The following PACS2 variants were observed in gnomAD, a reference collection of about 807,000 sequenced individuals.
PACS2 encodes phosphofurin acidic cluster sorting protein 2.
A neutral mutation model predicts 113.0 loss-of-function variants in PACS2; 36 were observed. The ratio of observed to expected loss-of-function variants is 0.32; its 90% CI spans 0.24 to 0.42. The LOEUF is 0.42. Among genes scored for constraint, PACS2 ranks in the 10% least tolerant of loss-of-function variants. The pLI, the probability that PACS2 is intolerant of heterozygous loss-of-function variation, is 1.00. For synonymous variants in PACS2, 589 were observed against 536.1 expected (o/e 1.10, Z -1.36); for missense variants, 1,015 against 1,239.5 (o/e 0.82, Z 2.72).
In PACS2 at chr14:105,352,423, A is replaced by G. The variant is rs587669814; in HGVS notation, c.253A>G (p.Ser85Gly). ...LRSHEIVLPPSGQVETDLALT... is the reference protein window; with the variant it reads ...LRSHEIVLPPGGQVETDLALT... ...GTCCCATGAGATTGTGCTGCCCCCC[A>G]GTGGACAAGTGGAGACAGACCTGGC... Residue 85 changes from serine (S) to glycine (G), a missense_variant, in exon 3 of 25, where the codon AGT becomes GGT. Ser to Gly is a moderately conservative substitution (Grantham distance 56, BLOSUM62 0). This residue lies in a region of PACS2 where 140 missense variants were observed against 135.1 expected (regional missense o/e 1.04). Coordinates refer to ENST00000447393, the MANE Select transcript of PACS2 (RefSeq NM_001100913.3). 1.3e-5 allele frequency: 21 copies of G among 1,612,864 alleles called. No homozygotes were observed. The East Asian group carries it at 3.8e-4, about 29-fold the overall frequency.
intron 1 of PACS2, among the ~76,000 whole-genome samples, chr14:105,344,120 G>A (rs782577410): frequency 2.6e-5 from 4 of 151,160 alleles, no homozygotes; most frequent in Non-Finnish European, 5.9e-5. Flanking sequence ...GTCTCCCTGT[G>A]TACCCAGGCT....
Position 105,330,469 on chromosome 14 carries a change from T to C in PACS2, c.119+15432T>C, listed in dbSNP as rs1207585059. 6.6e-6 allele frequency among the ~76,000 whole-genome samples: 1 copy of C among 152,216 alleles called. No individual in the cohort carries two copies. Among genetic ancestry groups the C allele is most frequent in the African/African-American group, 2.4e-5 (1 of 41,458 alleles). ...ACGAGGTCACACAGGGGAAGGTTACTGTGCCGCAGAGTTTTCTTTCCGAGC... is the reference window on the plus strand; with the variant it reads ...ACGAGGTCACACAGGGGAAGGTTACCGTGCCGCAGAGTTTTCTTTCCGAGC... On this transcript the variant is annotated intron_variant, in intron 1 of 24. Transcript: ENST00000447393. The surrounding 1 kb of genome is among the most constrained non-coding windows in gnomAD (Gnocchi z 6.9).
intron 15 of PACS2, 98 bp from the exon 16 acceptor site, chr14:105,383,261 G>A: frequency 7.9e-6 from 11 of 1,395,550 alleles, no homozygotes; most frequent in Non-Finnish European, 1.1e-5. Context: ...GCGGCCACAG[G>A]CACGGAGCCC....
chr14:105,353,870 G>A (rs2141043589), intron 3 of PACS2, among the ~76,000 whole-genome samples: 1 of 152,272 alleles, frequency 6.6e-6, no homozygotes, highest in African/African-American at 2.4e-5. Flanking sequence ...GGGATTACAG[G>A]CGTGGGACAC....
intron 4 of PACS2, among the ~76,000 whole-genome samples, chr14:105,363,351 T>TA (rs1225316546): frequency 1.3e-5 from 2 of 151,260 alleles, no homozygotes; most frequent in Non-Finnish European, 2.9e-5. Flanking sequence ...AATCTGTTGT[T>TA]TAGTGTTAGC....
In PACS2 at chr14:105,348,126, C is replaced by T. The variant is rs931999680; in HGVS notation, c.120-367C>T. On this transcript the variant is annotated intron_variant, in intron 1 of 24. Coordinates refer to ENST00000447393, the MANE Select transcript of PACS2 (RefSeq NM_001100913.3). This position sits in a 1 kb window ranked among gnomAD's most constrained non-coding sequence, Gnocchi z 6.4. ...GGCCGCGGGAGAGGGGAGGCCTGTG[C>T]TCTCACAGCTGGGAGCTGGCTCAGG... is the stretch of plus-strand genomic sequence containing the variant. 4.6e-5 allele frequency among the ~76,000 whole-genome samples: 7 copies of T among 152,218 alleles called. No homozygotes were observed. The highest frequency in any genetic ancestry group is 1.4e-4 in the African/African-American group (6 of 41,536).
chr14:105,342,173 A>G (rs35225322), intron 1 of PACS2, among the ~76,000 whole-genome samples: 238 of 150,924 alleles, frequency 1.6e-3, no homozygotes, highest in Non-Finnish European at 2.8e-3. Flanking sequence ...CCTCTTGTGG[A>G]TTTGTTTGTT....
intron 1 of PACS2, among the ~76,000 whole-genome samples, chr14:105,325,132 G>T (rs780109621): frequency 6.7e-6 from 1 of 148,990 alleles, no homozygotes; most frequent in Non-Finnish European, 1.5e-5. Flanking sequence ...CTTCGCCTGT[G>T]TCCCAGCCCT....
chr14:105,321,866 T>G (rs1371000891), intron 1 of PACS2, among the ~76,000 whole-genome samples: 1 of 152,146 alleles, frequency 6.6e-6, no homozygotes, highest in Non-Finnish European at 1.5e-5. Flanking sequence ...AACCTTTGTA[T>G]ATCCTTACAT....
In PACS2 at chr14:105,362,416, C is replaced by CAAA. The variant is rs1157752286; in HGVS notation, c.424-4785_424-4783dup. 1.2e-3 allele frequency among the ~76,000 whole-genome samples: 85 copies of CAAA among 68,096 alleles called. 2 individuals are homozygous for CAAA. The East Asian group carries it at 0.019, about 15-fold the overall frequency. 44.7% of individuals were successfully genotyped at this position (68,096 alleles called of 152,430 possible). A position where few individuals can be genotyped will look rare whatever the true frequency, so the allele number is the denominator to read the frequency against. On this transcript the variant is annotated intron_variant, in intron 4 of 24. Coordinates refer to ENST00000447393, the MANE Select transcript of PACS2 (RefSeq NM_001100913.3). ...TGGGCGACAGAGCGAGACTCCGTCT[C>CAAA]AAAAAAAAAAAAAAGAAAAGAAAAA... is the stretch of plus-strand genomic sequence containing the variant.
At chr14:105,370,147 AG>A in intron 8 of PACS2, 1 of 452,472 alleles carries the variant, frequency 2.2e-6, no homozygotes, top group East Asian at 3.7e-5. Flanking sequence ...AGTCATTTTC[AG>A]GGGGATGTAA....
intron 9 of PACS2, among the ~76,000 whole-genome samples, chr14:105,379,247 C>A (rs148010717): frequency 6.6e-6 from 1 of 152,288 alleles, no homozygotes; most frequent in African/African-American, 2.4e-5. Context: ...CTGGATGGGC[C>A]TGGGTGGTCT....
chr14:105,341,568 A>G (rs1366309769), intron 1 of PACS2, among the ~76,000 whole-genome samples: 1 of 152,218 alleles, frequency 6.6e-6, no homozygotes, highest in Non-Finnish European at 1.5e-5. Flanking sequence ...TGATTCTCTC[A>G]GGGCCAAGTG....
chr14:105,382,681 T>C, intron 14 of PACS2, 100 bp downstream of exon 14: 1 of 961,596 alleles, frequency 1.0e-6, no homozygotes, highest in Non-Finnish European at 1.6e-6. Flanking sequence ...GTGCTGGAGC[T>C]GCTGGCTGTG....
rs373214527 is a variant in PACS2 at position 105,304,294 on chromosome 14, G to A, written c.-83+3315G>A. On this transcript the variant is annotated intron_variant, in intron 1 of 23. Coordinates refer to the PACS2 transcript ENST00000430725. ...ATCACGAGGTCAAGAGATCAAGACC[G>A]TCCTGGCCAACATGGTGAAACCCAT... Among the ~76,000 whole-genome samples the A allele has an allele frequency of 7.3e-4, 111 of 152,192 alleles. 1 individual carries two copies. The highest frequency in any genetic ancestry group is 5.8e-3 in the East Asian group (30 of 5,176).
In PACS2 at chr14:105,379,777, C is replaced by T. The variant is rs200473031; in HGVS notation, c.998C>T (p.Thr333Met). 49 of 1,613,632 alleles carry T rather than the reference C, an allele frequency of 3.0e-5. No homozygotes were observed. The highest frequency in any genetic ancestry group is 2.8e-4 in the African/African-American group (21 of 75,046). ...GGCCTGTCGCACTCGAGCTCGCAGA[C>T]GGAGATTGGGAGCATCCACAGCGCC... The part of the protein sequence containing the change: ...FEGLSHSSSQ[T>M]EIGSIHSARS... The change falls in exon 10 of 25, where the codon ACG becomes ATG. Residue 333 changes from threonine (T) to methionine (M), a missense_variant. Physicochemically the swap from Thr to Met is moderately conservative, Grantham distance 81. Around this residue, in one of 3 missense-constraint regions of PACS2, gnomAD observed 859 missense variants for 1,056.8 expected, o/e 0.81. Transcript: ENST00000447393.
In PACS2 at chr14:105,323,364, T is replaced by A. The variant is rs2058970433; in HGVS notation, c.119+8327T>A. On this transcript the variant is annotated intron_variant, in intron 1 of 24. Coordinates refer to ENST00000447393, the MANE Select transcript of PACS2 (RefSeq NM_001100913.3). This position sits in a 1 kb window ranked among gnomAD's most constrained non-coding sequence, Gnocchi z 4.1. ...CGGCTGGCTGGGGCAGTAGCCTGTC[T>A]CCAGCCCTTCCCCCTGCCTCTGTCC... Among the ~76,000 whole-genome samples, 1 of 152,218 alleles carries A rather than the reference T, an allele frequency of 6.6e-6. No homozygotes were observed. The highest frequency in any genetic ancestry group is 1.5e-5 in the Non-Finnish European group (1 of 68,042).
At chr14:105,316,590 A>C (rs986663414) in intron 1 of PACS2, among the ~76,000 whole-genome samples, 2 of 152,142 alleles carry the variant, frequency 1.3e-5, no homozygotes, top group African/African-American at 4.8e-5. Flanking sequence ...TCTTTAACCC[A>C]AGGGAGGTGG....
At chr14:105,304,771 G>A (rs587753911) in intron 1 of PACS2, among the ~76,000 whole-genome samples, 10 of 152,382 alleles carry the variant, frequency 6.6e-5, no homozygotes, top group South Asian at 4.1e-4. Context: ...AGCAAGTCAC[G>A]TCTTACGTGG....
Sources: allele counts gnomAD v4.1 joint callset (sites outside exome capture counted in the v4.1 genomes callset), GRCh38; gene constraint gnomAD v4.1.1; regional missense constraint gnomAD v4.1.1; non-coding constraint Gnocchi (gnomAD v3.1); transcripts MANE v1.5; gene names NCBI Gene and HGNC (gene_info 2026-07-23, HGNC 2026-07-21).